AGTR1: variants seen among roughly 807,000 people sequenced by gnomAD.
AGTR1 encodes angiotensin II receptor type 1.
In AGTR1, 16 loss-of-function variants were observed where a neutral mutation model predicts 19.4. The ratio of observed to expected loss-of-function variants is 0.82; its 90% CI spans 0.56 to 1.25. The LOEUF (loss-of-function observed/expected upper bound fraction) is 1.25, where lower values mean the gene tolerates loss of function less well. Ranked by LOEUF, AGTR1 falls within the 50% of genes most tolerant of loss-of-function variation. AGTR1 has a pLI of 0.00. For synonymous variants in AGTR1, 153 were observed against 154.9 expected (o/e 0.99, Z 0.09); for missense variants, 373 against 431.9 (o/e 0.86, Z 1.21).
intron 2 of AGTR1, among the ~76,000 whole-genome samples, chr3:148,736,845 A>C (rs1237537519): frequency 6.6e-6 from 1 of 152,256 alleles, no homozygotes; most frequent in East Asian, 1.9e-4. Flanking sequence ...AAGTAGGAAG[A>C]GGTGGATCCT....
At chr3:148,705,140 A>G (rs1305632665) in intron 1 of AGTR1, among the ~76,000 whole-genome samples, 1 of 152,138 alleles carries the variant, frequency 6.6e-6, no homozygotes, top group Non-Finnish European at 1.5e-5. Context: ...AAGCCCCAAT[A>G]TTTGTGGCTG....
At chr3:148,728,102 A>G (rs994218493) in intron 2 of AGTR1, among the ~76,000 whole-genome samples, 1 of 152,326 alleles carries the variant, frequency 6.6e-6, no homozygotes, top group South Asian at 2.1e-4. Flanking sequence ...ATTGAGAGGC[A>G]CTAGACTGGA....
chr3:148,736,878 T>C (rs1304895484), intron 2 of AGTR1, among the ~76,000 whole-genome samples: 1 of 152,226 alleles, frequency 6.6e-6, no homozygotes, highest in East Asian at 1.9e-4. Flanking sequence ...ATCAGGGTTC[T>C]ATCTACCTGT....
chr3:148,703,708 T>C (rs564840967), intron 1 of AGTR1, among the ~76,000 whole-genome samples: 6 of 152,334 alleles, frequency 3.9e-5, no homozygotes, highest in Middle Eastern at 3.4e-3. Flanking sequence ...GCCTGTTCTC[T>C]TAGCTGTTAC....
At chr3:148,719,427 T>C (rs1403581679) in intron 2 of AGTR1, among the ~76,000 whole-genome samples, 1 of 152,238 alleles carries the variant, frequency 6.6e-6, no homozygotes, top group African/African-American at 2.4e-5. Context: ...GTATTATTTT[T>C]CTCTAAAAGA....
intron 1 of AGTR1, among the ~76,000 whole-genome samples, chr3:148,703,695 A>G (rs995045211): frequency 2.6e-5 from 4 of 152,166 alleles, no homozygotes; most frequent in South Asian, 2.1e-4. Flanking sequence ...TTCTAATTTC[A>G]TTGCCTGTTC....
At chr3:148,734,219 AT>A (rs774437044) in intron 2 of AGTR1, among the ~76,000 whole-genome samples, 19 of 152,186 alleles carry the variant, frequency 1.2e-4, no homozygotes, top group Non-Finnish European at 2.4e-4. Flanking sequence ...TGGGATTAAC[AT>A]TTTACTTTCA....
At chr3:148,703,086 T>C (rs1201066095) in intron 1 of AGTR1, among the ~76,000 whole-genome samples, 1 of 152,068 alleles carries the variant, frequency 6.6e-6, no homozygotes, top group Non-Finnish European at 1.5e-5. Context: ...AATCGGTGGT[T>C]CTTAAGATGA....
chr3:148,725,861 A>T (rs1040515889), intron 2 of AGTR1, among the ~76,000 whole-genome samples: 1 of 152,336 alleles, frequency 6.6e-6, no homozygotes, highest in South Asian at 2.1e-4. Flanking sequence ...GACTCTGCTA[A>T]CATTAATTAA....
intron 2 of AGTR1, among the ~76,000 whole-genome samples, chr3:148,720,684 A>G (rs1713580272): frequency 6.7e-6 from 1 of 149,526 alleles, no homozygotes; most frequent in South Asian, 2.1e-4. Flanking sequence ...CATGCAATAA[A>G]AAAGCCATAG....
intron 1 of AGTR1, among the ~76,000 whole-genome samples, chr3:148,703,349 T>C (rs1471941043): frequency 6.6e-6 from 1 of 152,226 alleles, no homozygotes; most frequent in Non-Finnish European, 1.5e-5. Context: ...TGCATAAGAA[T>C]CTGCATTTTA....
rs1714858911 is a variant in AGTR1, at chr3:148,741,258, T to G, written c.223T>G (p.Leu75Val). Residue 75 changes from leucine (L) to valine (V), a missense_variant, in exon 3 of 3, where the codon TTA becomes GTA. Physicochemically the swap from Leu to Val is conservative, Grantham distance 32. Transcript: ENST00000349243. ...VFLLNLALAD[L>V]CFLLTLPLWA... Reference sequence around the variant, plus strand: ...TCTTTTGAATTTAGCACTGGCTGACTTATGCTTTTTACTGACTTTGCCACT... The same window carrying G: ...TCTTTTGAATTTAGCACTGGCTGACGTATGCTTTTTACTGACTTTGCCACT... 6.2e-7 allele frequency: 1 copy of G among 1,613,894 alleles called. No homozygotes were observed. Among genetic ancestry groups the G allele is most frequent in the Non-Finnish European group, 8.5e-7 (1 of 1,180,016 alleles).
At chr3:148,718,877 T>G (rs903311919) in intron 2 of AGTR1, among the ~76,000 whole-genome samples, 4 of 152,256 alleles carry the variant, frequency 2.6e-5, no homozygotes, top group Non-Finnish European at 2.9e-5. Flanking sequence ...ATAGGCATTT[T>G]GAAGAAAATA....
At chr3:148,714,759 T>C (rs775500518) in intron 2 of AGTR1, among the ~76,000 whole-genome samples, 3 of 152,190 alleles carry the variant, frequency 2.0e-5, no homozygotes, top group Non-Finnish European at 4.4e-5. Flanking sequence ...CTGCATTTTA[T>C]GTCAGTTCCT....
At chr3:148,710,216 G>A (rs1712903279) in intron 2 of AGTR1, among the ~76,000 whole-genome samples, 1 of 152,124 alleles carries the variant, frequency 6.6e-6, no homozygotes, top group South Asian at 2.1e-4. Context: ...ACTTATTTGG[G>A]AAGTTTTTAA....
chr3:148,719,820 G>T (rs1713521136), intron 2 of AGTR1, among the ~76,000 whole-genome samples: 1 of 152,160 alleles, frequency 6.6e-6, no homozygotes, highest in Non-Finnish European at 1.5e-5. Context: ...CCCATCCAGG[G>T]CCACCCAGAG....
intron 2 of AGTR1, among the ~76,000 whole-genome samples, chr3:148,713,107 A>C (rs1344111500): frequency 6.6e-6 from 1 of 152,200 alleles, no homozygotes; most frequent in African/African-American, 2.4e-5. Flanking sequence ...ATGTGGATAC[A>C]TTTGAAAATT....
Position 148,741,392 on chromosome 3 carries a change from C to A in AGTR1, c.357C>A (p.Leu119=). 6.2e-7 allele frequency: 1 copy of A among 1,603,122 alleles called. No individual in the cohort carries two copies. The highest frequency in any genetic ancestry group is 8.5e-7 in the Non-Finnish European group (1 of 1,178,004). Residue 119 remains leucine, a synonymous_variant, in exon 3 of 3, where the codon CTC becomes CTA. Transcript: ENST00000349243. ...ACCTGTACGCTAGTGTGTTTCTACT[C>A]ACGTGTCTCAGCATTGATCGATACC... ...SFNLYASVFL[L]TCLSIDRYLA...
chr3:148,734,419 A>G (rs1714454512), intron 2 of AGTR1, among the ~76,000 whole-genome samples: 1 of 152,200 alleles, frequency 6.6e-6, no homozygotes, highest in Non-Finnish European at 1.5e-5. Context: ...GAATTAATAA[A>G]GCAGCTTGCC....
Sources: gnomAD v4.1 joint callset for allele counts (sites outside exome capture counted in the v4.1 genomes callset) on GRCh38, gnomAD v4.1.1 for gene constraint, MANE v1.5 for transcripts, NCBI Gene and HGNC (gene_info 2026-07-23, HGNC 2026-07-21) for gene names.